GRIN2B: variants seen among roughly 807,000 people sequenced by gnomAD.
GRIN2B encodes glutamate receptor ionotropic, NMDA 2B.
A neutral mutation model predicts 114.5 loss-of-function variants in GRIN2B; 5 were observed. The observed-to-expected ratio is 0.04, with a 90% confidence interval of 0.02 to 0.09. The LOEUF (loss-of-function observed/expected upper bound fraction) is 0.09. GRIN2B is among the 10% of genes least tolerant of loss of function. The pLI, the probability that GRIN2B is intolerant of heterozygous loss-of-function variation, is 1.00. For missense variants in GRIN2B, 1,108 were observed against 1,943.5 expected (o/e 0.57, Z 8.08); for synonymous variants, 787 against 745.1 (o/e 1.06, Z -0.92).
At chr12:13,872,671 T>C (rs536528363) in intron 2 of GRIN2B, among the ~76,000 whole-genome samples, 1 of 152,264 alleles carries the variant, frequency 6.6e-6, no homozygotes, top group South Asian at 2.1e-4. Context: ...GGGAAATATA[T>C]ATGATAGAAA....
chr12:13,797,542 G>A lies in GRIN2B; in HGVS notation c.412-43627C>T, dbSNP rs1316182790. On this transcript the variant is annotated intron_variant, in intron 3 of 13. Coordinates refer to ENST00000609686, the MANE Select transcript of GRIN2B (RefSeq NM_000834.5). Reference sequence around the variant, plus strand: ...AATCCCTAATGGTTCTCAGAATGTGGGTAGGACCTGCTTTGCCATTTTCAA... The same window carrying A: ...AATCCCTAATGGTTCTCAGAATGTGAGTAGGACCTGCTTTGCCATTTTCAA... Among the ~76,000 whole-genome samples the A allele has an allele frequency of 2.0e-5, 3 of 152,074 alleles. No homozygotes were observed. The East Asian group carries it at 5.8e-4, about 29-fold the overall frequency.
intron 5 of GRIN2B, among the ~76,000 whole-genome samples, chr12:13,648,507 C>G (rs1327746344): frequency 6.6e-6 from 1 of 151,968 alleles, no homozygotes; most frequent in African/African-American, 2.4e-5. Flanking sequence ...GTGTGAAAAG[C>G]TTAAGGGGCA....
At chr12:13,957,669 C>T (rs532014411) in intron 2 of GRIN2B, among the ~76,000 whole-genome samples, 5 of 152,236 alleles carry the variant, frequency 3.3e-5, no homozygotes, top group East Asian at 1.9e-4. Flanking sequence ...CAGGAGCTGG[C>T]GGTTTCTCCT....
chr12:13,636,068 G>T (rs1286282990), intron 5 of GRIN2B, among the ~76,000 whole-genome samples: 2 of 151,656 alleles, frequency 1.3e-5, no homozygotes, highest in African/African-American at 4.8e-5. Context: ...GTGTGTGATG[G>T]GAGTTAGACA....
chr12:13,704,156 A>G (rs1950337935), intron 4 of GRIN2B, among the ~76,000 whole-genome samples: 2 of 152,178 alleles, frequency 1.3e-5, no homozygotes, highest in South Asian at 4.1e-4. Flanking sequence ...AAAGTCATCA[A>G]TTAGGAAAAG....
intron 3 of GRIN2B, among the ~76,000 whole-genome samples, chr12:13,784,081 G>C (rs1022563205): frequency 6.6e-6 from 1 of 151,716 alleles, no homozygotes; most frequent in Non-Finnish European, 1.5e-5. Context: ...AAAATTAGCC[G>C]GGCATGGTGG....
In GRIN2B at chr12:13,611,868, G is replaced by A. The variant is rs2136474744; in HGVS notation, c.1655-18C>T. The A allele has an allele frequency of 8.7e-6, 14 of 1,612,296 alleles. No individual in the cohort carries two copies. Among genetic ancestry groups the A allele is most frequent in the Non-Finnish European group, 1.2e-5 (14 of 1,178,282 alleles). Reference sequence around the variant, plus strand: ...GAATGGCTCTGAGGAAGGGAAAAAAGCAGTGCTCAGGGTTAGAACAGAGAG... The same window carrying A: ...GAATGGCTCTGAGGAAGGGAAAAAAACAGTGCTCAGGGTTAGAACAGAGAG... On this transcript the variant is annotated intron_variant, in intron 8 of 13. Coordinates refer to ENST00000609686, the MANE Select transcript of GRIN2B (RefSeq NM_000834.5).
At chr12:13,649,557 G>A (rs965293994) in intron 5 of GRIN2B, among the ~76,000 whole-genome samples, 2 of 151,988 alleles carry the variant, frequency 1.3e-5, no homozygotes, top group Non-Finnish European at 2.9e-5. Flanking sequence ...TTAACTCTTC[G>A]AGATGATAAT....
At chr12:13,886,234 T>C (rs1005766624) in intron 2 of GRIN2B, among the ~76,000 whole-genome samples, 4 of 152,244 alleles carry the variant, frequency 2.6e-5, no homozygotes, top group African/African-American at 7.2e-5. Flanking sequence ...ACTGGTTTGA[T>C]GTTCAATGTA....
chr12:13,547,703 C>T lies in GRIN2B; in HGVS notation c.*15080G>A, dbSNP rs1201249092. On this transcript the variant is annotated 3_prime_UTR_variant, in exon 14 of 14. Coordinates refer to ENST00000609686, the MANE Select transcript of GRIN2B (RefSeq NM_000834.5). ...AAGGTGAACAGAAGACTCTGCAGAG[C>T]ATAATGTTGCTATGGCTTGTTTTAC... is the stretch of plus-strand genomic sequence containing the variant. The T allele has an allele frequency of 6.6e-6, 1 of 152,058 alleles. No homozygotes were observed. The highest frequency in any genetic ancestry group is 1.5e-5 in the Non-Finnish European group (1 of 67,986). 9.4% of individuals were successfully genotyped at this position (152,058 alleles called of 1,614,324 possible).
intron 4 of GRIN2B, among the ~76,000 whole-genome samples, chr12:13,688,070 T>C (rs1251140765): frequency 6.6e-6 from 1 of 152,156 alleles, no homozygotes; most frequent in Non-Finnish European, 1.5e-5. Flanking sequence ...AATAGGTAAA[T>C]ACTATAATGA....
At chr12:13,743,591 T>G (rs1167928608) in intron 4 of GRIN2B, among the ~76,000 whole-genome samples, 1 of 152,100 alleles carries the variant, frequency 6.6e-6, no homozygotes, top group African/African-American at 2.4e-5. Flanking sequence ...CCTGAAAGAT[T>G]TTTTTTCAAG....
intron 5 of GRIN2B, among the ~76,000 whole-genome samples, chr12:13,667,560 G>C (rs1468547574): frequency 6.6e-6 from 1 of 152,120 alleles, no homozygotes; most frequent in African/African-American, 2.4e-5. Flanking sequence ...ACATGCATAT[G>C]AATGTCTAAT....
At chr12:13,828,881 T>G (rs1482893414) in intron 3 of GRIN2B, among the ~76,000 whole-genome samples, 1 of 152,234 alleles carries the variant, frequency 6.6e-6, no homozygotes, top group East Asian at 1.9e-4. Context: ...CACATGAAAT[T>G]AAATCCAGTC....
At chr12:13,700,098 T>A (rs1024738671) in intron 4 of GRIN2B, among the ~76,000 whole-genome samples, 2 of 152,122 alleles carry the variant, frequency 1.3e-5, no homozygotes, top group East Asian at 3.9e-4. Flanking sequence ...AGTAATACGC[T>A]GTCTGTCTGT....
chr12:13,899,955 C>A (rs1476438418), intron 2 of GRIN2B, among the ~76,000 whole-genome samples: 2 of 152,162 alleles, frequency 1.3e-5, no homozygotes, highest in Non-Finnish European at 2.9e-5. Flanking sequence ...AAAGGACACC[C>A]ACATATTATT....
At chr12:13,746,233 T>G (rs1349517699) in intron 4 of GRIN2B, among the ~76,000 whole-genome samples, 1 of 152,142 alleles carries the variant, frequency 6.6e-6, no homozygotes, top group African/African-American at 2.4e-5. Flanking sequence ...GCGCTGGGGA[T>G]GCAGTAAGTA....
intron 3 of GRIN2B, among the ~76,000 whole-genome samples, chr12:13,758,998 A>AGTTTTTTTTT (rs771891565): frequency 3.5e-5 from 3 of 85,600 alleles, no homozygotes; most frequent in Non-Finnish European, 6.5e-5. Context: ...ATCTAGTTCA[A>AGTTTTTTTTT]TTTTTTTTTT....
At position 13,581,490 on chromosome 12, in the gene GRIN2B, G is replaced by A. The variant is rs1043884540; in HGVS notation, c.2011-9526C>T. Among the ~76,000 whole-genome samples the A allele has an allele frequency of 3.3e-5, 5 of 152,006 alleles. No individual in the cohort carries two copies. The East Asian group carries it at 9.7e-4, about 29-fold the overall frequency. On this transcript the variant is annotated intron_variant, in intron 10 of 13. Coordinates refer to ENST00000609686, the MANE Select transcript of GRIN2B (RefSeq NM_000834.5). ...CATAATCCCTTGTCGGGCCCAGTGG[G>A]AGAAGAAGAAGGTCAGGTGACCACA...
Sources: gnomAD v4.1 joint callset for allele counts (sites outside exome capture counted in the v4.1 genomes callset) on GRCh38, gnomAD v4.1.1 for gene constraint, MANE v1.5 for transcripts, NCBI Gene and HGNC (gene_info 2026-07-23, HGNC 2026-07-21) for gene names.